Variants in ANKRD2 observed in about 807,000 individuals in gnomAD.
ANKRD2 encodes ankyrin repeat domain 2.
A neutral mutation model predicts 37.3 loss-of-function variants in ANKRD2; 35 were observed. The ratio of observed to expected loss-of-function variants is 0.94; its 90% CI spans 0.72 to 1.24. ANKRD2 has a LOEUF of 1.24. ANKRD2 is among the 50% of genes most tolerant of loss of function. ANKRD2 has a pLI of 0.00. For synonymous variants in ANKRD2, 159 were observed against 186.5 expected (o/e 0.85, Z 1.20); for missense variants, 410 against 445.6 (o/e 0.92, Z 0.72).
intron 1 of ANKRD2, among the ~76,000 whole-genome samples, chr10:97,574,282 CAA>C (rs34161831): frequency 8.3e-4 from 115 of 138,818 alleles, no homozygotes; most frequent in East Asian, 4.1e-3. Context: ...GACTCCGTCT[CAA>C]AAAAAAAAAA....
At chr10:97,582,476 C>A (rs981637978) in intron 7 of ANKRD2, 63 bp downstream of exon 7, 1 of 1,588,492 alleles carries the variant, frequency 6.3e-7, no homozygotes, top group Non-Finnish European at 8.6e-7. Context: ...CGGGCCCCTA[C>A]AGGTGGTGTC....
At chr10:97,580,591 G>A (rs1183253887) in intron 4 of ANKRD2, among the ~76,000 whole-genome samples, 12 of 152,240 alleles carry the variant, frequency 7.9e-5, no homozygotes, top group Admixed American at 7.8e-4. Flanking sequence ...GGGCAAAACA[G>A]GCATGCTTGG....
At chr10:97,573,783 C>T (rs1161136988) in intron 1 of ANKRD2, among the ~76,000 whole-genome samples, 1 of 152,140 alleles carries the variant, frequency 6.6e-6, no homozygotes, top group Non-Finnish European at 1.5e-5. Context: ...CTGCCAAGAG[C>T]CCAGAGCTGT....
chr10:97,576,712 T>A (rs28570120), intron 1 of ANKRD2, among the ~76,000 whole-genome samples: 2 of 31,072 alleles, frequency 6.4e-5, no homozygotes, highest in Non-Finnish European at 2.1e-4. Flanking sequence ...TTATTTATTT[T>A]TTGAGACCGA....
At position 97,578,557 on chromosome 10, in the gene ANKRD2, C is replaced by A. The variant is rs749368852; in HGVS notation, c.408C>A (p.Val136=). The change falls in exon 4 of 9, where the codon GTC becomes GTA. Residue 136 remains valine (V), a synonymous_variant. Transcript: ENST00000370655. ...LKAAVEGKMK[V]IEKFLADGGS... ...CTGCGGTGGAGGGGAAAATGAAGGT[C>A]ATTGAGAAGTTCCTGGCTGACGGGG... 5.7e-6 allele frequency: 9 copies of A among 1,569,750 alleles called. No individual in the cohort carries two copies. Among genetic ancestry groups the A allele is most frequent in the Non-Finnish European group, 7.8e-6 (9 of 1,157,162 alleles).
chr10:97,574,665 G>C (rs2040801481), intron 1 of ANKRD2, among the ~76,000 whole-genome samples: 1 of 152,166 alleles, frequency 6.6e-6, no homozygotes. Context: ...GTTGGAGGTA[G>C]ATGCCATTCA....
At chr10:97,582,815 C>G (rs983105696) in intron 8 of ANKRD2, 113 bp downstream of exon 8, 10 of 873,162 alleles carry the variant, frequency 1.1e-5, no homozygotes, top group Non-Finnish European at 1.9e-5. Flanking sequence ...TTGGCTCTGG[C>G]CAGCACCATA....
upstream of ANKRD2, chr10:97,572,685 T>C (rs768190370): frequency 6.3e-7 from 1 of 1,583,632 alleles, no homozygotes; most frequent in East Asian, 2.3e-5. Context: ...GGGAGGCAGG[T>C]GGAGAATTGG....
At chr10:97,578,666 G>A (rs1206016906) in intron 4 of ANKRD2, 61 bp downstream of exon 4, 1 of 1,332,552 alleles carries the variant, frequency 7.5e-7, no homozygotes, top group Non-Finnish European at 1.0e-6. Context: ...ACTCCGTTCG[G>A]CTCCTGGGTC....
chr10:97,577,094 C>T (rs1406041549), intron 1 of ANKRD2, among the ~76,000 whole-genome samples: 1 of 152,142 alleles, frequency 6.6e-6, no homozygotes. Context: ...ACCTCCCCTT[C>T]CTGGGCTCAA....
In ANKRD2 at chr10:97,582,643, C is replaced by T. The variant is rs149812913; in HGVS notation, c.793C>T (p.Arg265Cys). 2.3e-3 allele frequency: 3,642 copies of T among 1,614,132 alleles called. 12 individuals carry two copies. Among genetic ancestry groups the T allele is most frequent in the Middle Eastern group, 2.8e-3 (17 of 6,062 alleles). ...CCTGCATGACGCTGTGAGGCTCAACCGCTACAAAATCATCAAACTGCTGCT... is the reference window on the plus strand; with the variant it reads ...CCTGCATGACGCTGTGAGGCTCAACTGCTACAAAATCATCAAACTGCTGCT... ...TALHDAVRLNRYKIIKLLLLH... is the reference protein window; with the variant it reads ...TALHDAVRLNCYKIIKLLLLH... The change falls in exon 8 of 9, where the codon CGC (arginine) becomes TGC (cysteine). Residue 265 changes from arginine (R) to cysteine (C), a missense_variant. By Grantham distance (180) the Arg-to-Cys change is radical (BLOSUM62 -3). Coordinates refer to ENST00000370655, the MANE Select transcript of ANKRD2 (RefSeq NM_001346793.2).
At chr10:97,582,760 G>A (rs1298778129) in intron 8 of ANKRD2, 58 bp downstream of exon 8, 2 of 1,532,216 alleles carry the variant, frequency 1.3e-6, no homozygotes, top group South Asian at 1.1e-5. Flanking sequence ...CAGTGGAGGT[G>A]CTGTCCTGGT....
At position 97,580,959 on chromosome 10, in the gene ANKRD2, T is replaced by C. The variant is rs1223860317; in HGVS notation, c.555+6T>C. ...CTGTGGACTTCCAGGATCGGGTGAG[T>C]GAGAGGGCAGGTATTCAATGGGAGA... On this transcript the variant is annotated splice_donor_region_variant and intron_variant, in intron 5 of 8. Coordinates refer to ENST00000370655, the MANE Select transcript of ANKRD2 (RefSeq NM_001346793.2). 4 of 1,578,544 alleles carry C rather than the reference T, an allele frequency of 2.5e-6. No individual in the cohort carries two copies. Among genetic ancestry groups the C allele is most frequent in the Non-Finnish European group, 3.4e-6 (4 of 1,161,726 alleles).
intron 4 of ANKRD2, among the ~76,000 whole-genome samples, chr10:97,579,384 G>A (rs1016709661): frequency 6.8e-6 from 1 of 147,822 alleles, no homozygotes; most frequent in African/African-American, 2.5e-5. Flanking sequence ...TCAGCTCACT[G>A]CAACTTTCGC....
intron 3 of ANKRD2, 34 bp downstream of exon 3, chr10:97,578,432 G>A: frequency 6.2e-7 from 1 of 1,611,452 alleles, no homozygotes; most frequent in Non-Finnish European, 8.5e-7. Flanking sequence ...GCGAGGGGGC[G>A]GAGGGGGAGC....
intron 1 of ANKRD2, among the ~76,000 whole-genome samples, chr10:97,574,051 C>T (rs10882967): frequency 0.57 from 86,936 of 151,848 alleles, 26,950 homozygotes; most frequent in Non-Finnish European, 0.72. Context: ...ATCTGAGATC[C>T]GAGGTGGGCA....
chr10:97,574,029 C>T (rs529102626), intron 1 of ANKRD2, among the ~76,000 whole-genome samples: 1 of 151,856 alleles, frequency 6.6e-6, no homozygotes, highest in Non-Finnish European at 1.5e-5. Context: ...CCTGTAATCC[C>T]AGCATTTTGA....
intron 1 of ANKRD2, 33 bp from the exon 2 acceptor site, chr10:97,577,767 G>A: frequency 1.6e-5 from 24 of 1,517,054 alleles, no homozygotes; most frequent in Non-Finnish European, 2.0e-5. Flanking sequence ...GTCTCCTCGG[G>A]TCCTGGAGAA....
intron 1 of ANKRD2, among the ~76,000 whole-genome samples, chr10:97,573,459 C>G (rs2040785299): frequency 6.6e-6 from 1 of 151,870 alleles, no homozygotes; most frequent in Non-Finnish European, 1.5e-5. Context: ...ACGGGGTCTC[C>G]CTCTGTTGCC....
Sources: allele counts gnomAD v4.1 joint callset (sites outside exome capture counted in the v4.1 genomes callset), GRCh38; gene constraint gnomAD v4.1.1; transcripts MANE v1.5; gene names NCBI Gene and HGNC (gene_info 2026-07-23, HGNC 2026-07-21).